Variants in MVB12B observed in about 807,000 individuals in gnomAD.
MVB12B encodes ESCRT-I complex subunit MVB12B.
MVB12B carries 16 observed loss-of-function variants against 41.6 expected under a neutral mutation model. The ratio of observed to expected loss-of-function variants is 0.38; its 90% CI spans 0.26 to 0.58. The LOEUF (loss-of-function observed/expected upper bound fraction) is 0.58. Among genes scored for constraint, MVB12B ranks in the 20% least tolerant of loss-of-function variants. The pLI, the probability that MVB12B is intolerant of heterozygous loss-of-function variation, is 0.62. For synonymous variants in MVB12B, 133 were observed against 139.7 expected, an observed-to-expected ratio of 0.95 and a Z score of 0.34; for missense variants, 274 against 380.2, an observed-to-expected ratio of 0.72 and a Z score of 2.32.
rs1377854875 is a variant in MVB12B at position 126,358,445 on chromosome 9, G to A, written c.204+17815G>A. On this transcript the variant is annotated intron_variant, in intron 2 of 9. Transcript: ENST00000361171. ...ATATTAAGTCTTCAGATCCATGGAT[G>A]TGGTACATCTCTTCATTTATGTAAG... Among the ~76,000 whole-genome samples the A allele has an allele frequency of 3.9e-5, 6 of 152,232 alleles. No individual in the cohort carries two copies. In the East Asian group the frequency reaches 7.7e-4, roughly 20 times the overall value.
intron 2 of MVB12B, among the ~76,000 whole-genome samples, chr9:126,371,356 G>A (rs908181068): frequency 1.3e-5 from 2 of 152,254 alleles, no homozygotes; most frequent in African/African-American, 4.8e-5. Flanking sequence ...GCGGCCAGGT[G>A]CCCTGCCTAT....
intron 2 of MVB12B, among the ~76,000 whole-genome samples, chr9:126,366,579 T>A (rs917813952): frequency 6.6e-6 from 1 of 152,254 alleles, no homozygotes; most frequent in Non-Finnish European, 1.5e-5. Context: ...TATTTTCTTA[T>A]TGTATTTTTG....
chr9:126,329,762 A>G (rs1043300671), intron 1 of MVB12B, among the ~76,000 whole-genome samples: 1 of 152,082 alleles, frequency 6.6e-6, no homozygotes, highest in Non-Finnish European at 1.5e-5. Flanking sequence ...AAATGACTAC[A>G]TGGCTGGATG....
rs562360501 is a variant in MVB12B, at chr9:126,489,823, C to A, written c.873+5791C>A. ...CCAGGCATGAGGAAGTGAATTTTTA[C>A]CTCATCGTCCCTCAGCCAGGGAGGT... On this transcript the variant is annotated intron_variant, in intron 9 of 9. Coordinates refer to ENST00000361171, the MANE Select transcript of MVB12B (RefSeq NM_033446.3). Among the ~76,000 whole-genome samples, 3 of 152,250 alleles carry A rather than the reference C, an allele frequency of 2.0e-5. No individual in the cohort carries two copies. In the East Asian group the frequency reaches 5.8e-4, roughly 30 times the overall value.
chr9:126,489,235 T>C (rs770686029), intron 9 of MVB12B, among the ~76,000 whole-genome samples: 54 of 152,166 alleles, frequency 3.5e-4, no homozygotes, highest in Non-Finnish European at 6.8e-4. Context: ...AGCCTCCCAG[T>C]GTGGATGCCT....
chr9:126,444,576 C>T (rs901500837), intron 7 of MVB12B, among the ~76,000 whole-genome samples: 1 of 152,142 alleles, frequency 6.6e-6, no homozygotes, highest in Non-Finnish European at 1.5e-5. Context: ...GCAACAAGGC[C>T]TTCTTTTGCT....
At chr9:126,382,458 A>G (rs1325410880) in intron 3 of MVB12B, among the ~76,000 whole-genome samples, 1 of 152,216 alleles carries the variant, frequency 6.6e-6, no homozygotes, top group Non-Finnish European at 1.5e-5. Flanking sequence ...ATCTTGACAC[A>G]AAAGTCTGGA....
At chr9:126,477,067 A>G (rs1432017252) in intron 7 of MVB12B, among the ~76,000 whole-genome samples, 4 of 152,172 alleles carry the variant, frequency 2.6e-5, no homozygotes, top group African/African-American at 9.7e-5. Context: ...CAGGCTGTGC[A>G]GGAATCATGG....
At chr9:126,437,258 C>T (rs772578465) in intron 7 of MVB12B, among the ~76,000 whole-genome samples, 1 of 152,162 alleles carries the variant, frequency 6.6e-6, no homozygotes, top group Admixed American at 6.5e-5. Flanking sequence ...GATATTTAAA[C>T]AGTTATTAAC....
intron 7 of MVB12B, among the ~76,000 whole-genome samples, chr9:126,432,829 C>T (rs1159528483): frequency 6.6e-6 from 1 of 152,190 alleles, no homozygotes; most frequent in Non-Finnish European, 1.5e-5. Context: ...GTTTCCCTCC[C>T]CTCATCAACT....
Position 126,503,413 on chromosome 9 carries a change from C to T in MVB12B, c.*150C>T, listed in dbSNP as rs1024422759. On this transcript the variant is annotated 3_prime_UTR_variant, in exon 10 of 10. Coordinates refer to ENST00000361171, the MANE Select transcript of MVB12B (RefSeq NM_033446.3). ...CCCGGAGACTGGGCAGCTAAGTGGG[C>T]GCATCCTGTCTTCAGCTGGCCTCAC... 9.4e-6 allele frequency: 6 copies of T among 641,014 alleles called. No individual in the cohort carries two copies. Among genetic ancestry groups the T allele is most frequent in the Admixed American group, 2.9e-5 (1 of 34,576 alleles). 39.7% of individuals were successfully genotyped at this position (641,014 alleles called of 1,614,324 possible). A position where few individuals can be genotyped will look rare whatever the true frequency, so the allele number is the denominator to read the frequency against.
At chr9:126,359,730 A>G (rs1829978047) in intron 2 of MVB12B, among the ~76,000 whole-genome samples, 1 of 152,172 alleles carries the variant, frequency 6.6e-6, no homozygotes, top group Non-Finnish European at 1.5e-5. Flanking sequence ...GATCTGGAGA[A>G]TGTACTCTCT....
At chr9:126,495,358 G>A (rs551141901) in intron 9 of MVB12B, among the ~76,000 whole-genome samples, 17 of 152,298 alleles carry the variant, frequency 1.1e-4, no homozygotes, top group African/African-American at 2.2e-4. Flanking sequence ...AGAGCGAGGC[G>A]AGAGCAAGTC....
At chr9:126,375,387 A>T (rs1830453140) in intron 2 of MVB12B, among the ~76,000 whole-genome samples, 1 of 33,366 alleles carries the variant, frequency 3.0e-5, no homozygotes, top group East Asian at 4.4e-4. Flanking sequence ...TTTTTTGTCA[A>T]ATAGCCTTAG....
intron 8 of MVB12B, among the ~76,000 whole-genome samples, chr9:126,482,733 C>A (rs1217282283): frequency 2.0e-5 from 3 of 152,244 alleles, no homozygotes; most frequent in African/African-American, 7.2e-5. Flanking sequence ...AGAGCAGCCG[C>A]GAGCGGAACG....
chr9:126,329,247 A>G (rs1435955479), intron 1 of MVB12B, among the ~76,000 whole-genome samples: 1 of 152,168 alleles, frequency 6.6e-6, no homozygotes, highest in East Asian at 1.9e-4. Context: ...TGTAATGTAA[A>G]AGTGTCTTAA....
At chr9:126,456,985 C>T (rs1410197821) in intron 7 of MVB12B, among the ~76,000 whole-genome samples, 1 of 152,224 alleles carries the variant, frequency 6.6e-6, no homozygotes, top group African/African-American at 2.4e-5. Flanking sequence ...CTCATGCCCT[C>T]ACCCCACGAG....
At chr9:126,384,917 G>C (rs1830736820) in intron 3 of MVB12B, among the ~76,000 whole-genome samples, 1 of 147,438 alleles carries the variant, frequency 6.8e-6, no homozygotes, top group Non-Finnish European at 1.5e-5. Context: ...GCTTACTGCA[G>C]CCTCAACCTC....
intron 7 of MVB12B, among the ~76,000 whole-genome samples, chr9:126,441,973 A>G (rs1027573437): frequency 6.6e-6 from 1 of 152,130 alleles, no homozygotes; most frequent in Non-Finnish European, 1.5e-5. Flanking sequence ...GTCAGGGTGG[A>G]TTTTGCTTTA....
Sources: gnomAD v4.1 joint callset for allele counts (sites outside exome capture counted in the v4.1 genomes callset) on GRCh38, gnomAD v4.1.1 for gene constraint, MANE v1.5 for transcripts, NCBI Gene and HGNC (gene_info 2026-07-23, HGNC 2026-07-21) for gene names.